The following CDC42BPB variants were observed in gnomAD, a reference collection of about 807,000 sequenced individuals.
CDC42BPB encodes the protein CDC42 binding protein kinase beta.
CDC42BPB carries 37 observed loss-of-function variants against 214.9 expected under a neutral mutation model. That is an observed-to-expected ratio of 0.17 (90% CI 0.13 to 0.23). The LOEUF is 0.23. CDC42BPB is among the 10% of genes least tolerant of loss of function. The pLI, the probability that CDC42BPB is intolerant of heterozygous loss-of-function variation, is 1.00. For synonymous variants in CDC42BPB, 931 were observed against 884.0 expected (o/e 1.05, Z -0.94); for missense variants, 1,694 against 2,227.0 (o/e 0.76, Z 4.82).
At chr14:102,939,261 A>C (rs1891780942) in intron 34 of CDC42BPB, among the ~76,000 whole-genome samples, 1 of 152,244 alleles carries the variant, frequency 6.6e-6, no homozygotes, top group South Asian at 2.1e-4. Flanking sequence ...CTTAAGTAAA[A>C]AAGAGAAAGT....
intron 21 of CDC42BPB, among the ~76,000 whole-genome samples, chr14:102,957,107 A>G (rs993391467): frequency 6.7e-6 from 1 of 148,826 alleles, no homozygotes; most frequent in Non-Finnish European, 1.5e-5. Context: ...ATGCTGAGGC[A>G]CAAGAATTGC....
chr14:103,048,604 G>A (rs554123226), intron 1 of CDC42BPB, among the ~76,000 whole-genome samples: 7 of 146,764 alleles, frequency 4.8e-5, no homozygotes, highest in South Asian at 2.1e-4. Context: ...CCAGCTACTC[G>A]AGAGGCTCAG....
Position 102,971,931 on chromosome 14 carries a change from C to A in CDC42BPB, c.1872G>T (p.Lys624Asn). The A allele has an allele frequency of 6.2e-7, 1 of 1,614,172 alleles. No individual in the cohort carries two copies. Among genetic ancestry groups the A allele is most frequent in the Non-Finnish European group, 8.5e-7 (1 of 1,180,018 alleles). Reference protein sequence around the residue: ...AMRQEMRRAEKLRKELEAQLD... With the variant: ...AMRQEMRRAENLRKELEAQLD... ...TCTCCACAGCTACCTCTTTCCTGAG[C>A]TTCTCAGCTCTCCGCATTTCCTGCC... The change falls in exon 13 of 37, where the codon AAG becomes AAT. Residue 624 changes from lysine (K) to asparagine (N), a missense_variant. Physicochemically the swap from Lys to Asn is moderately conservative, Grantham distance 94. Transcript: ENST00000361246.
chr14:103,019,162 G>A (rs948070764), intron 1 of CDC42BPB, among the ~76,000 whole-genome samples: 13 of 152,032 alleles, frequency 8.6e-5, no homozygotes, highest in African/African-American at 3.1e-4. Context: ...TAGAACTCCT[G>A]GGCTCAAGTG....
intron 8 of CDC42BPB, 41 bp downstream of exon 8, chr14:102,980,732 C>G: frequency 6.2e-7 from 1 of 1,603,996 alleles, no homozygotes; most frequent in Non-Finnish European, 8.5e-7. Flanking sequence ...GCATGTCAGA[C>G]CCACAGCCAG....
chr14:103,041,950 A>G (rs1052640736), intron 1 of CDC42BPB: 12 of 362,960 alleles, frequency 3.3e-5, no homozygotes, highest in African/African-American at 2.2e-4. Flanking sequence ...CGTCTGTAAG[A>G]AGGAGAAAGC....
rs762871656 is a variant in CDC42BPB, at chr14:103,008,569, G to A, written c.268-14C>T. 19 of 1,599,448 alleles carry A rather than the reference G, an allele frequency of 1.2e-5. No individual in the cohort carries two copies. The East Asian group carries it at 1.8e-4, about 15-fold the overall frequency. On this transcript the variant is annotated splice_polypyrimidine_tract_variant and intron_variant, in intron 2 of 36. Transcript: ENST00000361246. ...GACAACAGCAACCTGCAGTGCAAAT[G>A]TGAGTTGAACAAAGATGCGGTTCTT...
chr14:102,952,506 G>A lies in CDC42BPB; in HGVS notation c.3164C>T (p.Ala1055Val). 1.2e-6 allele frequency: 2 copies of A among 1,609,812 alleles called. No individual in the cohort carries two copies. Among genetic ancestry groups the A allele is most frequent in the Non-Finnish European group, 1.7e-6 (2 of 1,176,780 alleles). ...LMVGLIRQGY[A>V]CEVCSFACHV... ...GCTGCAACGACACTCACCCTCGCAGGCGTAGCCCTGCCGGATCAGCCCAAC... is the reference window on the plus strand; with the variant it reads ...GCTGCAACGACACTCACCCTCGCAGACGTAGCCCTGCCGGATCAGCCCAAC... The change falls in exon 24 of 37, where the codon GCC becomes GTC. Residue 1055 changes from alanine to valine, a missense_variant. Transcript: ENST00000361246.
At chr14:102,952,731 G>A in intron 23 of CDC42BPB, 128 bp from the exon 24 acceptor site, 1 of 1,471,282 alleles carries the variant, frequency 6.8e-7, no homozygotes, top group Middle Eastern at 1.8e-4. Context: ...GCAAGTTCTG[G>A]TCTTGGTCTA....
In CDC42BPB at chr14:102,939,883, G is replaced by A. The variant is rs1237307583; in HGVS notation, c.4656C>T (p.Ser1552=). Residue 1552 remains serine (S), a synonymous_variant, in exon 33 of 37, where the codon AGC becomes AGT. Coordinates refer to ENST00000361246, the MANE Select transcript of CDC42BPB (RefSeq NM_006035.4). ...GGACCTTGAAGACGAACCGCCTTTT[G>A]CTCCTGGTGCGCAGCATCTGCTTCT... ...NSKKQMLRTR[S]KRRFVFKVPE... The A allele has an allele frequency of 2.6e-5, 42 of 1,614,038 alleles. No individual in the cohort carries two copies. Among genetic ancestry groups the A allele is most frequent in the Non-Finnish European group, 3.6e-5 (42 of 1,180,036 alleles).
chr14:103,005,914 G>C (rs1317608617), intron 3 of CDC42BPB, among the ~76,000 whole-genome samples: 1 of 151,764 alleles, frequency 6.6e-6, no homozygotes, highest in Non-Finnish European at 1.5e-5. Flanking sequence ...CAGCTACTCG[G>C]GAGGCTGAGG....
At chr14:103,050,729 C>T (rs542223032) in intron 1 of CDC42BPB, among the ~76,000 whole-genome samples, 1 of 152,094 alleles carries the variant, frequency 6.6e-6, no homozygotes, top group South Asian at 2.1e-4. Context: ...TACACTCCAG[C>T]CTGGGTAACA....
At position 102,975,683 on chromosome 14, in the gene CDC42BPB, CCTG is replaced by C; in HGVS notation, c.1505_1507del (p.Ala502del). On this transcript the variant is annotated inframe_deletion and splice_region_variant, in exon 11 of 37. Transcript: ENST00000361246. Reference sequence around the variant, plus strand: ...AAGAAGTCACACTTTTAAACACATACCTGCTATTTTATTCTTCAAGCGTTCGAT... The same window carrying C: ...AAGAAGTCACACTTTTAAACACATACCTATTTTATTCTTCAAGCGTTCGAT... 2 of 1,613,804 alleles carry C rather than the reference CCTG, an allele frequency of 1.2e-6. No homozygotes were observed. Among genetic ancestry groups the C allele is most frequent in the Non-Finnish European group, 1.7e-6 (2 of 1,179,758 alleles).
At chr14:103,032,711 C>T (rs140091208) in intron 1 of CDC42BPB, among the ~76,000 whole-genome samples, 7 of 143,762 alleles carry the variant, frequency 4.9e-5, no homozygotes, top group Non-Finnish European at 9.0e-5. Flanking sequence ...AGGCTCATTG[C>T]GACCTCTGCC....
Position 102,964,498 on chromosome 14 carries a change from G to A in CDC42BPB, c.2726+4C>T. On this transcript the variant is annotated splice_donor_region_variant and intron_variant, in intron 19 of 36. Transcript: ENST00000361246. ...ACCTGGAGTCAGACCCTGGCACCAA[G>A]TACCTTTCCAAGGTGAGGTTGGCGT... The A allele has an allele frequency of 6.2e-7, 1 of 1,613,346 alleles. No individual in the cohort carries two copies.
intron 34 of CDC42BPB, chr14:102,938,680 G>C: frequency 2.2e-6 from 1 of 445,004 alleles, no homozygotes; most frequent in Non-Finnish European, 3.0e-6. Flanking sequence ...CCAGGCTGGA[G>C]TGCAATGACG....
intron 1 of CDC42BPB, among the ~76,000 whole-genome samples, chr14:103,048,532 CAAAAAAAAAAAAAAA>C (rs71119751): frequency 2.3e-5 from 1 of 42,658 alleles, no homozygotes; most frequent in Non-Finnish European, 4.0e-5. Context: ...ACTAAAAATA[CAAAAAAAAAAAAAAA>C]AAAAAAAAAA....
At chr14:103,033,871 T>C (rs906353202) in intron 1 of CDC42BPB, among the ~76,000 whole-genome samples, 2 of 152,218 alleles carry the variant, frequency 1.3e-5, no homozygotes, top group Admixed American at 1.3e-4. Flanking sequence ...GGAAGTGCAT[T>C]GCGGCAGGAA....
chr14:103,051,364 G>A (rs1005633647), intron 1 of CDC42BPB, among the ~76,000 whole-genome samples: 2 of 148,388 alleles, frequency 1.3e-5, no homozygotes, highest in African/African-American at 5.0e-5. Flanking sequence ...GGACTAATAG[G>A]TATTATGTTA....
Sources: gnomAD v4.1 joint callset for allele counts (sites outside exome capture counted in the v4.1 genomes callset) on GRCh38, gnomAD v4.1.1 for gene constraint, MANE v1.5 for transcripts, NCBI Gene and HGNC (gene_info 2026-07-23, HGNC 2026-07-21) for gene names.